INVS: variants seen among roughly 807,000 people sequenced by gnomAD.
The protein encoded by INVS is inversion of embryo turning homolog.
INVS carries 86 observed loss-of-function variants against 108.8 expected under a neutral mutation model. The observed-to-expected ratio is 0.79, with a 90% CI of 0.66 to 0.95. The LOEUF (loss-of-function observed/expected upper bound fraction) is 0.95, where lower values mean the gene tolerates loss of function less well. Among genes scored for constraint, INVS ranks in the 40% least tolerant of loss-of-function variants. The probability of loss-of-function intolerance (pLI) is 0.00; values close to 1 mark genes in which losing one functional copy is unlikely to be tolerated. For synonymous variants in INVS, 455 were observed against 473.5 expected, an observed-to-expected ratio of 0.96 and a Z score of 0.51; for missense variants, 1,169 against 1,297.4, an observed-to-expected ratio of 0.90 and a Z score of 1.52.
rs185462734 is a variant in INVS, at chr9:100,117,520, G to A, written c.107-8863G>A. The A allele has an allele frequency of 8.7e-4, 833 of 961,684 alleles. 4 individuals carry two copies. The African/African-American group carries it at 0.012, about 13-fold the overall frequency. 59.6% of individuals were successfully genotyped at this position (961,684 alleles called of 1,614,324 possible). A position where few individuals can be genotyped will look rare whatever the true frequency, so the allele number is the denominator to read the frequency against. On this transcript the variant is annotated intron_variant, in intron 2 of 16. Coordinates refer to ENST00000262457, the MANE Select transcript of INVS (RefSeq NM_014425.5). ...CTCAGCCCGGGCCCCGTCCACGGCCGCAACCCCGGCCCCGGATGCCACTGC... is the reference window on the plus strand; with the variant it reads ...CTCAGCCCGGGCCCCGTCCACGGCCACAACCCCGGCCCCGGATGCCACTGC...
chr9:100,270,079 C>CA (rs1832905744), intron 11 of INVS, among the ~76,000 whole-genome samples: 1 of 151,854 alleles, frequency 6.6e-6, no homozygotes, highest in South Asian at 2.1e-4. Context: ...GTCATCGTTA[C>CA]CATTGTTGGA....
chr9:100,226,258 G>T (rs1250690858), intron 4 of INVS, 23 bp downstream of exon 4: 1 of 1,602,594 alleles, frequency 6.2e-7, no homozygotes, highest in Admixed American at 1.7e-5. Context: ...CAAAATCAAA[G>T]ACTAATAAGA....
chr9:100,231,040 A>C (rs1428041869), intron 5 of INVS, among the ~76,000 whole-genome samples: 8 of 152,142 alleles, frequency 5.3e-5, no homozygotes, highest in African/African-American at 1.9e-4. Flanking sequence ...AATGCAGTTG[A>C]TATTTTTGAT....
intron 8 of INVS, among the ~76,000 whole-genome samples, chr9:100,249,876 A>G (rs1832171376): frequency 2.0e-5 from 3 of 149,948 alleles, no homozygotes. Context: ...AGGCCGTGGC[A>G]GGTGGATCAC....
intron 3 of INVS, among the ~76,000 whole-genome samples, chr9:100,160,168 T>C (rs1207728841): frequency 6.6e-6 from 1 of 152,214 alleles, no homozygotes; most frequent in Non-Finnish European, 1.5e-5. Context: ...TGAGGGCATA[T>C]TCTGTTCCAC....
At chr9:100,262,038 A>AT (rs35257593) in intron 10 of INVS, among the ~76,000 whole-genome samples, 28,711 of 149,040 alleles carry the variant, frequency 0.19, 3,362 homozygotes, top group African/African-American at 0.34. Context: ...ACATTGACTG[A>AT]TTTTTTTTTT....
intron 2 of INVS, chr9:100,117,305 G>A (rs1449556214): frequency 4.1e-6 from 3 of 729,240 alleles, no homozygotes; most frequent in East Asian, 5.0e-5. Context: ...CTGCACCGGC[G>A]TAACCTTCAA....
intron 3 of INVS, among the ~76,000 whole-genome samples, chr9:100,180,637 A>G (rs1829861259): frequency 6.6e-6 from 1 of 152,198 alleles, no homozygotes; most frequent in South Asian, 2.1e-4. Context: ...GCAGTAATTA[A>G]TAGCCTAGCA....
At chr9:100,240,474 A>G (rs149599641) in intron 6 of INVS, among the ~76,000 whole-genome samples, 70 of 152,272 alleles carry the variant, frequency 4.6e-4, no homozygotes, top group African/African-American at 1.5e-3. Context: ...AAAGTAATTC[A>G]CATTTAGTGA....
chr9:100,232,116 G>T (rs1170202799), intron 5 of INVS, among the ~76,000 whole-genome samples: 1 of 151,952 alleles, frequency 6.6e-6, no homozygotes, highest in African/African-American at 2.4e-5. Flanking sequence ...GTGATGATGA[G>T]CTTTTTTTCA....
chr9:100,152,025 G>A (rs571641528), intron 3 of INVS, among the ~76,000 whole-genome samples: 37 of 152,216 alleles, frequency 2.4e-4, no homozygotes, highest in African/African-American at 8.4e-4. Flanking sequence ...GGACCCAAAG[G>A]CAGCATCTTA....
intron 3 of INVS, chr9:100,130,819 A>G (rs575911837): frequency 1.3e-5 from 2 of 152,324 alleles, no homozygotes; most frequent in South Asian, 2.1e-4. Flanking sequence ...AAGGTGAACA[A>G]CATGATTCCT....
intron 3 of INVS, among the ~76,000 whole-genome samples, chr9:100,165,030 A>G (rs1197252511): frequency 1.3e-5 from 2 of 150,998 alleles, no homozygotes; most frequent in South Asian, 4.2e-4. Context: ...CCTCAGTCCT[A>G]TGTATTTCCT....
chr9:100,284,289 T>C (rs760428708), intron 12 of INVS, 31 bp from the exon 13 acceptor site: 1 of 1,612,924 alleles, frequency 6.2e-7, no homozygotes, highest in East Asian at 2.2e-5. Flanking sequence ...TCTTTAAATT[T>C]TTTCATCTTC....
intron 3 of INVS, among the ~76,000 whole-genome samples, chr9:100,197,669 G>A (rs1241504045): frequency 6.6e-6 from 1 of 152,194 alleles, no homozygotes; most frequent in Non-Finnish European, 1.5e-5. Flanking sequence ...GGCCAAAAAG[G>A]TGTGATCTAA....
At chr9:100,212,600 C>G (rs1254520330) in intron 3 of INVS, among the ~76,000 whole-genome samples, 1 of 152,064 alleles carries the variant, frequency 6.6e-6, no homozygotes, top group Non-Finnish European at 1.5e-5. Context: ...TATCCCTAAC[C>G]CTATTTTTTT....
At chr9:100,147,746 A>G (rs12335852) in intron 3 of INVS, among the ~76,000 whole-genome samples, 1,901 of 152,300 alleles carry the variant, frequency 0.012, 23 homozygotes, top group Non-Finnish European at 0.02. Flanking sequence ...CATTTATACA[A>G]TGGAAAACTA....
intron 3 of INVS, chr9:100,175,827 C>A: frequency 3.0e-6 from 2 of 668,232 alleles, no homozygotes; most frequent in South Asian, 2.7e-5. Context: ...TGCACCCAAT[C>A]CTGGAACAAT....
In INVS at chr9:100,292,360, T is replaced by A; in HGVS notation, c.2103T>A (p.Ala701=). Residue 701 remains alanine, a synonymous_variant, in exon 14 of 17, where the codon GCT becomes GCA. Coordinates refer to ENST00000262457, the MANE Select transcript of INVS (RefSeq NM_014425.5). ...GAGAACATTCTAAAGGCCAATCTGC[T>A]TGTGTCCACTTCAGACCCAATGAAG... ...TAREHSKGQS[A]CVHFRPNEGS... The A allele has an allele frequency of 6.2e-7, 1 of 1,614,196 alleles. No homozygotes were observed. Among genetic ancestry groups the A allele is most frequent in the Non-Finnish European group, 8.5e-7 (1 of 1,180,040 alleles).
Sources: allele counts gnomAD v4.1 joint callset (sites outside exome capture counted in the v4.1 genomes callset), GRCh38; gene constraint gnomAD v4.1.1; transcripts MANE v1.5; gene names NCBI Gene and HGNC (gene_info 2026-07-23, HGNC 2026-07-21).